SLC25A3: variants seen among roughly 807,000 people sequenced by gnomAD.
SLC25A3 encodes solute carrier family 25 member 3.
SLC25A3 carries 14 observed loss-of-function variants against 37.1 expected under a neutral mutation model. The ratio of observed to expected loss-of-function variants is 0.38; its 90% CI spans 0.25 to 0.59. The LOEUF is 0.59. Ranked by LOEUF, SLC25A3 falls within the 20% of genes least tolerant of loss-of-function variation. SLC25A3 has a pLI of 0.67. For missense variants in SLC25A3, 385 were observed against 458.1 expected, an observed-to-expected ratio of 0.84 and a Z score of 1.46; for synonymous variants, 161 against 168.7, an observed-to-expected ratio of 0.95 and a Z score of 0.36.
intron 5 of SLC25A3, 146 bp downstream of exon 5, chr12:98,598,849 C>T (rs1305090071): frequency 3.2e-5 from 23 of 726,960 alleles, no homozygotes; most frequent in Non-Finnish European, 4.9e-5. Context: ...GATCTCGGCT[C>T]ACTGCAAGCT....
rs767725219 is a variant in SLC25A3 at position 98,598,605 on chromosome 12, T to A, written c.543T>A (p.Pro181=). 1 of 1,614,132 alleles carries A rather than the reference T, an allele frequency of 6.2e-7. No homozygotes were observed. Among genetic ancestry groups the A allele is most frequent in the South Asian group, 1.1e-5 (1 of 91,080 alleles). Residue 181 remains proline (P), a synonymous_variant, in exon 5 of 8, where the codon CCT becomes CCA. Transcript: ENST00000552981. ...AEFFADIALA[P]MEAAKVRIQT... ...TCTTTGCTGACATTGCCCTGGCTCC[T>A]ATGGAAGCTGCTAAGGTTCGAATTC...
chr12:98,595,867 A>G lies in SLC25A3; in HGVS notation c.279+19A>G. ...TATGCAGGTTTGTATTGAGATGACA[A>G]CATTGAAAGTATCTCTCATGTGACT... is the stretch of plus-strand genomic sequence containing the variant. On this transcript the variant is annotated intron_variant, in intron 3 of 7. Transcript: ENST00000552981. The G allele has an allele frequency of 6.2e-7, 1 of 1,602,790 alleles. No homozygotes were observed. The highest frequency in any genetic ancestry group is 8.5e-7 in the Non-Finnish European group (1 of 1,169,656).
At position 98,602,668 on chromosome 12, in the gene SLC25A3, T is replaced by G. The variant is rs1045105004; in HGVS notation, c.*1140T>G. ...TGTTTAGATTCCCCTTAAGTTTGAT[T>G]AGGAAGTGTATAAAAGTTCAATCTT... On this transcript the variant is annotated 3_prime_UTR_variant, in exon 8 of 8. Coordinates refer to ENST00000552981, the MANE Select transcript of SLC25A3 (RefSeq NM_002635.4). 12 of 152,090 alleles carry G rather than the reference T, an allele frequency of 7.9e-5. No individual in the cohort carries two copies. Among genetic ancestry groups the G allele is most frequent in the African/African-American group, 2.9e-4 (12 of 41,412 alleles). 9.4% of individuals were successfully genotyped at this position (152,090 alleles called of 1,614,324 possible). A position where few individuals can be genotyped will look rare whatever the true frequency, so the allele number is the denominator to read the frequency against.
At chr12:98,598,062 G>A (rs775181599) in intron 4 of SLC25A3, 27 bp downstream of exon 4, 4 of 1,607,942 alleles carry the variant, frequency 2.5e-6, no homozygotes, top group South Asian at 2.2e-5. Flanking sequence ...AAAATTGAAT[G>A]TTCCGAGTGT....
Position 98,595,757 on chromosome 12 carries a change from A to C in SLC25A3, c.188A>C (p.Tyr63Ser). ...AGTTGTGAATTTGGCTCCGCGAAGT[A>C]TTATGCACTGTGTGGCTTTGGTGGG... ...EYSCEFGSAKYYALCGFGGVL... is the reference protein window; with the variant it reads ...EYSCEFGSAKSYALCGFGGVL... The change falls in exon 3 of 8, where the codon TAT (tyrosine) becomes TCT (serine). Residue 63 changes from tyrosine (Y) to serine (S), a missense_variant. Coordinates refer to ENST00000552981, the MANE Select transcript of SLC25A3 (RefSeq NM_002635.4). The C allele has an allele frequency of 1.2e-6, 2 of 1,614,170 alleles. No individual in the cohort carries two copies. Among genetic ancestry groups the C allele is most frequent in the Non-Finnish European group, 1.7e-6 (2 of 1,179,990 alleles).
At position 98,594,599 on chromosome 12, in the gene SLC25A3, A is replaced by G. The variant is rs574319178; in HGVS notation, c.157+464A>G. 5.1e-5 allele frequency: 28 copies of G among 546,062 alleles called. No individual in the cohort carries two copies. The South Asian group carries it at 5.7e-4, about 11-fold the overall frequency. The allele number at this position is 546,062 out of a possible 1,614,324, so 33.8% of individuals were successfully genotyped here. Reference sequence around the variant, plus strand: ...GTCAGTCATTTTTGCACTTAATTGTATATGAGATAACTAGATGTCCTGTTT... The same window carrying G: ...GTCAGTCATTTTTGCACTTAATTGTGTATGAGATAACTAGATGTCCTGTTT... On this transcript the variant is annotated intron_variant, in intron 2 of 7. Transcript: ENST00000552981.
rs2097590406 is a variant in SLC25A3 at position 98,593,754 on chromosome 12, G to T, written c.-5+14G>T. Reference sequence around the variant, plus strand: ...CCATCTTAGGGAGTGAGTGTGGCCGGGCCTTCTCCTGTGGCGGGTGTGGGG... The same window carrying T: ...CCATCTTAGGGAGTGAGTGTGGCCGTGCCTTCTCCTGTGGCGGGTGTGGGG... On this transcript the variant is annotated intron_variant, in intron 1 of 7. Transcript: ENST00000552981. 1 of 609,074 alleles carries T rather than the reference G, an allele frequency of 1.6e-6. No homozygotes were observed. Among genetic ancestry groups the T allele is most frequent in the Admixed American group, 2.9e-5 (1 of 34,154 alleles). 37.7% of individuals were successfully genotyped at this position (609,074 alleles called of 1,614,324 possible). A position where few individuals can be genotyped will look rare whatever the true frequency, so the allele number is the denominator to read the frequency against.
intron 5 of SLC25A3, 103 bp downstream of exon 5, chr12:98,598,806 C>G (rs574743243): frequency 2.7e-6 from 3 of 1,116,664 alleles, no homozygotes; most frequent in Admixed American, 2.3e-5. Context: ...GACAAAGTCT[C>G]GCTCTGTCAC....
At position 98,601,749 on chromosome 12, in the gene SLC25A3, T is replaced by G. The variant is rs115173420; in HGVS notation, c.*221T>G. 8,552 of 546,092 alleles carry G rather than the reference T, an allele frequency of 0.016. 195 individuals are homozygous for G. The highest frequency in any genetic ancestry group is 0.078 in the African/African-American group (4,104 of 52,872). The allele number at this position is 546,092 out of a possible 1,614,324, so 33.8% of individuals were successfully genotyped here. A position where few individuals can be genotyped will look rare whatever the true frequency, so the allele number is the denominator to read the frequency against. On this transcript the variant is annotated 3_prime_UTR_variant, in exon 8 of 8. Coordinates refer to ENST00000552981, the MANE Select transcript of SLC25A3 (RefSeq NM_002635.4). ...TTTTTAAAACTTTTTTAAAAAAGATTTAGCTTTAAAATAGTTGGAAAGAAT... is the reference window on the plus strand; with the variant it reads ...TTTTTAAAACTTTTTTAAAAAAGATGTAGCTTTAAAATAGTTGGAAAGAAT...
Position 98,593,713 on chromosome 12 carries a change from A to C in SLC25A3, c.-32A>C, listed in dbSNP as rs1407318775. ...CTGTGAGCCGCAACCTTTCCAAGGG[A>C]GTGGTTGTGTGATCGCCATCTTAGG... is the stretch of plus-strand genomic sequence containing the variant. On this transcript the variant is annotated 5_prime_UTR_variant, in exon 1 of 8. Coordinates refer to ENST00000552981, the MANE Select transcript of SLC25A3 (RefSeq NM_002635.4). 3.6e-6 allele frequency: 2 copies of C among 557,578 alleles called. No individual in the cohort carries two copies. The highest frequency in any genetic ancestry group is 3.1e-5 in the East Asian group (1 of 32,386). The allele number at this position is 557,578 out of a possible 1,614,324, so 34.5% of individuals were successfully genotyped here.
chr12:98,595,675 C>A, intron 2 of SLC25A3, 52 bp from the exon 3 acceptor site: 1 of 1,614,046 alleles, frequency 6.2e-7, no homozygotes, highest in Non-Finnish European at 8.5e-7. Flanking sequence ...AGTTTATGAC[C>A]AGTAACATGA....
chr12:98,606,025 T>C lies in SLC25A3; in HGVS notation c.*4497T>C, dbSNP rs1363602248. ...AGCTACTTAGGAAGCTGAAGGAGGA[T>C]CGTCTGAGCCCAGGAGTTTGAGGCT... is the stretch of plus-strand genomic sequence containing the variant. On this transcript the variant is annotated 3_prime_UTR_variant, in exon 8 of 8. Coordinates refer to ENST00000552981, the MANE Select transcript of SLC25A3 (RefSeq NM_002635.4). 1.3e-5 allele frequency: 2 copies of C among 151,832 alleles called. No individual in the cohort carries two copies. The highest frequency in any genetic ancestry group is 4.8e-5 in the African/African-American group (2 of 41,296). 9.4% of individuals were successfully genotyped at this position (151,832 alleles called of 1,614,324 possible).
Position 98,594,053 on chromosome 12 carries a change from T to C in SLC25A3, c.75T>C (p.Gly25=), listed in dbSNP as rs972857493. Residue 25 remains glycine, a synonymous_variant, in exon 2 of 8, where the codon GGT becomes GGC. Coordinates refer to ENST00000552981, the MANE Select transcript of SLC25A3 (RefSeq NM_002635.4). ...CACATCTGCAGCTGGTGCACGATGGTCTCGGGGACCTCCGCAGCAGCTCCC... is the reference window on the plus strand; with the variant it reads ...CACATCTGCAGCTGGTGCACGATGGCCTCGGGGACCTCCGCAGCAGCTCCC... ...NTPHLQLVHD[G]LGDLRSSSPG... The C allele has an allele frequency of 1.8e-5, 29 of 1,613,188 alleles. No individual in the cohort carries two copies. The highest frequency in any genetic ancestry group is 2.5e-5 in the Non-Finnish European group (29 of 1,179,866).
At chr12:98,595,942 AGAAACTTCAG>A in intron 3 of SLC25A3, 94 bp downstream of exon 3, 1 of 1,144,070 alleles carries the variant, frequency 8.7e-7, no homozygotes, top group Non-Finnish European at 1.3e-6. Flanking sequence ...CACAACTGCT[AGAAACTTCAG>A]TAGGAAACCA....
In SLC25A3 at chr12:98,602,444, A is replaced by T. The variant is rs2097598649; in HGVS notation, c.*916A>T. On this transcript the variant is annotated 3_prime_UTR_variant, in exon 8 of 8. Transcript: ENST00000552981. Reference sequence around the variant, plus strand: ...CTCCCAAACTGCTGGGATTATAGGCATGAGCCACCGTGCCCGGCTCTGACT... The same window carrying T: ...CTCCCAAACTGCTGGGATTATAGGCTTGAGCCACCGTGCCCGGCTCTGACT... 6.6e-6 allele frequency: 1 copy of T among 152,228 alleles called. No homozygotes were observed. The highest frequency in any genetic ancestry group is 2.4e-5 in the African/African-American group (1 of 41,448). 9.4% of individuals were successfully genotyped at this position (152,228 alleles called of 1,614,324 possible). A position where few individuals can be genotyped will look rare whatever the true frequency, so the allele number is the denominator to read the frequency against.
intron 2 of SLC25A3, 39 bp downstream of exon 2, chr12:98,594,174 C>G: frequency 6.5e-7 from 1 of 1,528,882 alleles, no homozygotes; most frequent in East Asian, 2.3e-5. Flanking sequence ...GTGTGGTCTA[C>G]TTGTGGGCCG....
In SLC25A3 at chr12:98,605,512, TA is replaced by T. The variant is rs2097600750; in HGVS notation, c.*3985del. ...TAAATTAGGAGTTATACATTGCTTC[TA>T]TAGCATCAGAAATTGTATATCAGGC... On this transcript the variant is annotated 3_prime_UTR_variant, in exon 8 of 8. Transcript: ENST00000552981. 6.6e-6 allele frequency: 1 copy of T among 152,140 alleles called. No homozygotes were observed. The highest frequency in any genetic ancestry group is 2.4e-5 in the African/African-American group (1 of 41,440). 9.4% of individuals were successfully genotyped at this position (152,140 alleles called of 1,614,324 possible).
In SLC25A3 at chr12:98,601,736, T is replaced by C. The variant is rs141912474; in HGVS notation, c.*208T>C. On this transcript the variant is annotated 3_prime_UTR_variant, in exon 8 of 8. Coordinates refer to ENST00000552981, the MANE Select transcript of SLC25A3 (RefSeq NM_002635.4). ...TGCCTGTGACTTATTTTTAAAACTT[T>C]TTTAAAAAAGATTTAGCTTTAAAAT... The C allele has an allele frequency of 1.1e-3, 614 of 569,166 alleles. 4 individuals carry two copies. Among genetic ancestry groups the C allele is most frequent in the African/African-American group, 0.011 (570 of 53,388 alleles). The allele number at this position is 569,166 out of a possible 1,614,324, so 35.3% of individuals were successfully genotyped here. A position where few individuals can be genotyped will look rare whatever the true frequency, so the allele number is the denominator to read the frequency against.
chr12:98,597,236 G>A (rs2097593753), intron 3 of SLC25A3, among the ~76,000 whole-genome samples: 1 of 152,074 alleles, frequency 6.6e-6, no homozygotes, highest in African/African-American at 2.4e-5. Flanking sequence ...ATGTACAACA[G>A]TTTCTATTTA....
Sources: allele counts gnomAD v4.1 joint callset (sites outside exome capture counted in the v4.1 genomes callset), GRCh38; gene constraint gnomAD v4.1.1; transcripts MANE v1.5; gene names NCBI Gene and HGNC (gene_info 2026-07-23, HGNC 2026-07-21).